Variants in DLGAP2 observed in about 807,000 individuals in gnomAD.
DLGAP2 encodes disks large-associated protein 2.
A neutral mutation model predicts 100.3 loss-of-function variants in DLGAP2; 26 were observed. The ratio of observed to expected loss-of-function variants is 0.26; its 90% CI spans 0.19 to 0.36. The LOEUF is 0.36. Ranked by LOEUF, DLGAP2 falls within the 10% of genes least tolerant of loss-of-function variation. The pLI is 1.00. For synonymous variants in DLGAP2, 886 were observed against 630.1 expected (o/e 1.41, Z -6.08); for missense variants, 1,858 against 1,453.2 (o/e 1.28, Z -4.53).
chr8:761,585 A>G (rs1166067777), intron 1 of DLGAP2, among the ~76,000 whole-genome samples: 1 of 152,214 alleles, frequency 6.6e-6, no homozygotes, highest in Non-Finnish European at 1.5e-5. Flanking sequence ...CCTGGCCGGG[A>G]TGGGCACTGG....
chr8:861,166 G>T (rs995158816), intron 1 of DLGAP2, among the ~76,000 whole-genome samples: 5 of 144,826 alleles, frequency 3.5e-5, no homozygotes, highest in African/African-American at 1.3e-4. Context: ...TTCTGAACAT[G>T]CACAGACTTC....
chr8:1,103,465 A>G (rs12544584), intron 2 of DLGAP2, among the ~76,000 whole-genome samples: 28,236 of 94,300 alleles, frequency 0.3, 4,165 homozygotes, highest in African/African-American at 0.57. Flanking sequence ...GGCCTTGGTT[A>G]ACGTTGATGA....
chr8:1,175,082 G>T (rs1202241871), intron 2 of DLGAP2, among the ~76,000 whole-genome samples: 3 of 152,058 alleles, frequency 2.0e-5, no homozygotes, highest in South Asian at 2.1e-4. Flanking sequence ...AATTATTCTA[G>T]GATTCCCCTT....
At chr8:1,068,743 C>CAGCGCATGTGGGACAGAGGGAGGGAAGGG (rs1803334493) in intron 2 of DLGAP2, among the ~76,000 whole-genome samples, 2 of 152,078 alleles carry the variant, frequency 1.3e-5, no homozygotes, top group African/African-American at 4.8e-5. Context: ...GCATGTGGGT[C>CAGCGCATGTGGGACAGAGGGAGGGAAGGG]CGGGATATGC....
At chr8:1,421,030 T>G (rs1458028367) in intron 3 of DLGAP2, among the ~76,000 whole-genome samples, 1 of 152,186 alleles carries the variant, frequency 6.6e-6, no homozygotes, top group Non-Finnish European at 1.5e-5. Flanking sequence ...GCAAGTTGTG[T>G]TATAGACTTC....
chr8:1,495,655 G>T (rs906703564), intron 3 of DLGAP2, among the ~76,000 whole-genome samples: 16 of 152,288 alleles, frequency 1.1e-4, no homozygotes, highest in African/African-American at 3.6e-4. Context: ...TTGATCTGTG[G>T]TTGTGCTGAC....
At chr8:1,010,955 G>A (rs976394068) in intron 2 of DLGAP2, among the ~76,000 whole-genome samples, 5 of 144,222 alleles carry the variant, frequency 3.5e-5, no homozygotes, top group Non-Finnish European at 5.9e-5. Context: ...AGTGAACCCC[G>A]GGCGAGGGGC....
At chr8:1,539,593 T>G (rs1801285987) in intron 4 of DLGAP2, among the ~76,000 whole-genome samples, 1 of 151,818 alleles carries the variant, frequency 6.6e-6, no homozygotes, top group African/African-American at 2.4e-5. Flanking sequence ...TGGGGCCACC[T>G]TCTCCCTCTC....
At chr8:1,321,224 TGTGCATCTGTGTCTCTGCATGTGCAC>T (rs1316603097) in intron 3 of DLGAP2, among the ~76,000 whole-genome samples, 1 of 151,482 alleles carries the variant, frequency 6.6e-6, no homozygotes, top group Non-Finnish European at 1.5e-5. Context: ...TGCATGTGTG[TGTGCATCTGTGTCTCTGCATGTGCAC>T]GTGCATCTGT....
chr8:964,336 G>T (rs1296960416), intron 2 of DLGAP2, among the ~76,000 whole-genome samples: 3 of 152,342 alleles, frequency 2.0e-5, no homozygotes, highest in Admixed American at 6.5e-5. Flanking sequence ...CCCTGGTGGC[G>T]CTGTACTGTC....
At chr8:1,214,865 G>T (rs1798181230) in intron 2 of DLGAP2, among the ~76,000 whole-genome samples, 1 of 152,224 alleles carries the variant, frequency 6.6e-6, no homozygotes, top group Admixed American at 6.5e-5. Context: ...TGCTGTTGTT[G>T]TGTTTTCCAC....
At position 1,151,301 on chromosome 8, in the gene DLGAP2, C is replaced by G. The variant is rs139298371; in HGVS notation, c.74-107550C>G. Among the ~76,000 whole-genome samples the G allele has an allele frequency of 2.1e-4, 32 of 152,154 alleles. No homozygotes were observed. In the East Asian group the frequency reaches 5.0e-3, roughly 24 times the overall value. On this transcript the variant is annotated intron_variant, in intron 2 of 14. Transcript: ENST00000637795. ...TGCTTGATGTTAACATTTTTACATG[C>G]ACAGTAAAAATGAAAAGAAGCTCCA...
At chr8:930,663 G>C (rs1235170004) in intron 2 of DLGAP2, among the ~76,000 whole-genome samples, 1 of 150,716 alleles carries the variant, frequency 6.6e-6, no homozygotes, top group East Asian at 2.0e-4. Flanking sequence ...CTGTGGGCCA[G>C]ACACCAAGAG....
intron 2 of DLGAP2, among the ~76,000 whole-genome samples, chr8:915,218 G>T (rs1563093289): frequency 6.6e-6 from 1 of 152,216 alleles, no homozygotes; most frequent in East Asian, 1.9e-4. Context: ...TGGTGCTGTG[G>T]CGTTGCCCTC....
chr8:946,445 T>C (rs547601831), intron 2 of DLGAP2, among the ~76,000 whole-genome samples: 3 of 151,800 alleles, frequency 2.0e-5, no homozygotes, highest in Non-Finnish European at 4.4e-5. Context: ...TTGTAGTTTT[T>C]GTAGAGACGG....
chr8:1,528,014 G>A (rs1310801843), intron 4 of DLGAP2, among the ~76,000 whole-genome samples: 1 of 151,998 alleles, frequency 6.6e-6, no homozygotes, highest in Admixed American at 6.5e-5. Flanking sequence ...AAAGAAAAAA[G>A]TCCTTACTGA....
At chr8:1,488,443 G>T (rs61480388) in intron 3 of DLGAP2, among the ~76,000 whole-genome samples, 1 of 152,308 alleles carries the variant, frequency 6.6e-6, no homozygotes, top group East Asian at 1.9e-4. Context: ...GGAATGGGCA[G>T]TTGAGCACCC....
chr8:873,602 T>C (rs1161230669), intron 1 of DLGAP2, among the ~76,000 whole-genome samples: 1 of 152,224 alleles, frequency 6.6e-6, no homozygotes, highest in African/African-American at 2.4e-5. Context: ...GATTTTTTAA[T>C]CTATATTTAT....
chr8:1,340,096 T>G (rs1478228430), intron 3 of DLGAP2, among the ~76,000 whole-genome samples: 2 of 152,160 alleles, frequency 1.3e-5, no homozygotes, highest in Non-Finnish European at 2.9e-5. Flanking sequence ...TAATTCAAGA[T>G]GCATTGAAGA....
Sources: gnomAD v4.1 joint callset for allele counts (sites outside exome capture counted in the v4.1 genomes callset) on GRCh38, gnomAD v4.1.1 for gene constraint, MANE v1.5 for transcripts, NCBI Gene and HGNC (gene_info 2026-07-23, HGNC 2026-07-21) for gene names.